SEPTIN5: variants seen among roughly 807,000 people sequenced by gnomAD.
SEPTIN5 encodes the protein septin 5.
A neutral mutation model predicts 51.2 loss-of-function variants in SEPTIN5; 16 were observed. The ratio of observed to expected loss-of-function variants is 0.31; its 90% CI spans 0.21 to 0.47. The LOEUF is 0.47. Among genes scored for constraint, SEPTIN5 ranks in the 20% least tolerant of loss-of-function variants. The pLI is 0.99. For missense variants in SEPTIN5, 376 were observed against 500.3 expected, an observed-to-expected ratio of 0.75 and a Z score of 2.37; for synonymous variants, 208 against 191.2, an observed-to-expected ratio of 1.09 and a Z score of -0.72.
At position 19,720,256 on chromosome 22, in the gene SEPTIN5, A is replaced by C. The variant is rs375212852; in HGVS notation, c.362+18A>C. 2 of 1,613,434 alleles carry C rather than the reference A, an allele frequency of 1.2e-6. No homozygotes were observed. The highest frequency in any genetic ancestry group is 2.7e-5 in the African/African-American group (2 of 74,954). On this transcript the variant is annotated intron_variant, in intron 5 of 11. Coordinates refer to ENST00000455784, the MANE Select transcript of SEPTIN5 (RefSeq NM_002688.6). ...ACCGAGTGGTGAGTGAGGCCTGCTG[A>C]GAAAGGCCTTGCCTAGGCGGCCACA...
Position 19,714,654 on chromosome 22 carries a change from T to TGCCCGCGCGCGCCTTTGTCCCCGCC in SEPTIN5, c.43+34_43+58dup, listed in dbSNP as rs1315630752. On this transcript the variant is annotated intron_variant, in intron 1 of 11. Transcript: ENST00000455784. This position sits in a 1 kb window ranked among gnomAD's most constrained non-coding sequence, Gnocchi z 5.2. ...CAGGTGAGCCCAGCGCCTGCCCGCG[T>TGCCCGCGCGCGCCTTTGTCCCCGCC]GCCCGCGCGCGCCTTTGTCCCCGCC... 4 of 1,510,580 alleles carry TGCCCGCGCGCGCCTTTGTCCCCGCC rather than the reference T, an allele frequency of 2.6e-6. No individual in the cohort carries two copies. The Admixed American group carries it at 8.2e-5, about 31-fold the overall frequency. 93.6% of individuals were successfully genotyped at this position (1,510,580 alleles called of 1,614,324 possible). A position where few individuals can be genotyped will look rare whatever the true frequency, so the allele number is the denominator to read the frequency against.
Position 19,722,681 on chromosome 22 carries a change from T to C in SEPTIN5, c.*197T>C. On this transcript the variant is annotated 3_prime_UTR_variant, in exon 12 of 12. Coordinates refer to ENST00000455784, the MANE Select transcript of SEPTIN5 (RefSeq NM_002688.6). The stretch of plus-strand genomic sequence containing the variant: ...TAGCCCCCGCCCAGCTGGCCCTCTC[T>C]GACCTTGGGGGATCAGGAGCGAAGT... 3.2e-6 allele frequency: 2 copies of C among 632,056 alleles called. No homozygotes were observed. The highest frequency in any genetic ancestry group is 5.4e-6 in the Non-Finnish European group (2 of 368,130). The allele number at this position is 632,056 out of a possible 1,614,324, so 39.2% of individuals were successfully genotyped here. A position where few individuals can be genotyped will look rare whatever the true frequency, so the allele number is the denominator to read the frequency against.
Position 19,719,507 on chromosome 22 carries a change from C to A in SEPTIN5, c.55-95C>A, listed in dbSNP as rs1314304147. 7 of 1,001,160 alleles carry A rather than the reference C, an allele frequency of 7.0e-6. No homozygotes were observed. The Admixed American group carries it at 9.3e-5, about 13-fold the overall frequency. The allele number at this position is 1,001,160 out of a possible 1,614,324, so 62.0% of individuals were successfully genotyped here. A position where few individuals can be genotyped will look rare whatever the true frequency, so the allele number is the denominator to read the frequency against. On this transcript the variant is annotated intron_variant, in intron 2 of 11. Coordinates refer to ENST00000455784, the MANE Select transcript of SEPTIN5 (RefSeq NM_002688.6). ...AATGCCCCACCCTGGGAACCGTACC[C>A]TCTGCTGTCTCCTCATACCGCATTT...
intron 10 of SEPTIN5, 32 bp from the exon 11 acceptor site, chr22:19,722,205 G>GCCCCC: frequency 2.2e-6 from 3 of 1,390,378 alleles, no homozygotes; most frequent in African/African-American, 1.5e-5. Context: ...CGGTGGCGCC[G>GCCCCC]CCCCGCCCAT....
chr22:19,720,586 C>A lies in SEPTIN5; in HGVS notation c.535C>A (p.His179Asn). The A allele has an allele frequency of 6.2e-7, 1 of 1,613,038 alleles. No homozygotes were observed. Among genetic ancestry groups the A allele is most frequent in the South Asian group, 1.1e-5 (1 of 91,092 alleles). The change falls in exon 7 of 12, where the codon CAT (histidine) becomes AAT (asparagine). Residue 179 changes from histidine (H) to asparagine (N), a missense_variant. Physicochemically the swap from His to Asn is moderately conservative, Grantham distance 68. Coordinates refer to ENST00000455784, the MANE Select transcript of SEPTIN5 (RefSeq NM_002688.6). ...PVDVGFMKAL[H>N]EKVNIVPLIA... ...GGATGTGGGTTTCATGAAGGCATTG[C>A]ATGAGAAGGTCAACATCGTGCCTCT...
chr22:19,714,799 C>A lies in SEPTIN5; in HGVS notation c.54+8C>A. The A allele has an allele frequency of 6.3e-7, 1 of 1,593,556 alleles. No individual in the cohort carries two copies. Reference sequence around the variant, plus strand: ...CCCGCAGAGGACAAGCAGGTACGTGCGCAGCGCCGCTCCCCCGCCGGGAGA... The same window carrying A: ...CCCGCAGAGGACAAGCAGGTACGTGAGCAGCGCCGCTCCCCCGCCGGGAGA... On this transcript the variant is annotated splice_region_variant and intron_variant, in intron 2 of 11. Coordinates refer to ENST00000455784, the MANE Select transcript of SEPTIN5 (RefSeq NM_002688.6). The surrounding 1 kb of genome is among the most constrained non-coding windows in gnomAD (Gnocchi z 5.2).
At chr22:19,720,034 T>C (rs1935994161) in intron 4 of SEPTIN5, 81 bp from the exon 5 acceptor site, 1 of 1,607,706 alleles carries the variant, frequency 6.2e-7, no homozygotes, top group Non-Finnish European at 8.5e-7. Flanking sequence ...GGCACCAAGA[T>C]GGATGAGGAC....
rs1349731515 is a variant in SEPTIN5, at chr22:19,714,790, A to G, written c.53A>G (p.Gln18Arg). ...GACCCCGACCCCGCAGAGGACAAGCAGGTACGTGCGCAGCGCCGCTCCCCC... is the reference window on the plus strand; with the variant it reads ...GACCCCGACCCCGCAGAGGACAAGCGGGTACGTGCGCAGCGCCGCTCCCCC... ...KSKLATPEDK[Q>R]DIDKQYVGFA... The change falls in exon 2 of 12, where the codon CAG becomes CGG. Residue 18 changes from glutamine (Q) to arginine (R), a missense_variant and splice_region_variant. Gln to Arg is a conservative substitution (Grantham distance 43). Coordinates refer to ENST00000455784, the MANE Select transcript of SEPTIN5 (RefSeq NM_002688.6). This position sits in a 1 kb window ranked among gnomAD's most constrained non-coding sequence, Gnocchi z 5.2. 5.7e-6 allele frequency: 9 copies of G among 1,574,442 alleles called. No individual in the cohort carries two copies. The highest frequency in any genetic ancestry group is 7.7e-6 in the Non-Finnish European group (9 of 1,166,518).
In SEPTIN5 at chr22:19,714,810, T is replaced by A; in HGVS notation, c.54+19T>A. ...CAAGCAGGTACGTGCGCAGCGCCGC[T>A]CCCCCGCCGGGAGACCCGGCCGGCT... On this transcript the variant is annotated intron_variant, in intron 2 of 11. Coordinates refer to ENST00000455784, the MANE Select transcript of SEPTIN5 (RefSeq NM_002688.6). This position sits in a 1 kb window ranked among gnomAD's most constrained non-coding sequence, Gnocchi z 5.2. The A allele has an allele frequency of 6.4e-7, 1 of 1,553,586 alleles. No homozygotes were observed. Among genetic ancestry groups the A allele is most frequent in the Non-Finnish European group, 8.6e-7 (1 of 1,156,852 alleles).
chr22:19,718,534 G>A (rs749448212), intron 2 of SEPTIN5: 10 of 1,281,916 alleles, frequency 7.8e-6, no homozygotes, highest in Middle Eastern at 2.1e-4. Flanking sequence ...CAGTCAGGGG[G>A]ATGGCTCGGT....
At position 19,719,060 on chromosome 22, in the gene SEPTIN5, G is replaced by T. The variant is rs923882994; in HGVS notation, c.55-542G>T. 1.6e-5 allele frequency: 6 copies of T among 386,192 alleles called. No individual in the cohort carries two copies. In the South Asian group the frequency reaches 5.5e-4, roughly 35 times the overall value. 23.9% of individuals were successfully genotyped at this position (386,192 alleles called of 1,614,324 possible). ...TGGGACCCCTCCAGGGGCCCCAAGG[G>T]TCTGCGGGGGCTGGGCGCCTGGGCG... On this transcript the variant is annotated intron_variant, in intron 2 of 11. Coordinates refer to ENST00000455784, the MANE Select transcript of SEPTIN5 (RefSeq NM_002688.6).
Position 19,720,104 on chromosome 22 carries a change from C to T in SEPTIN5, c.239-11C>T, listed in dbSNP as rs553048412. On this transcript the variant is annotated splice_polypyrimidine_tract_variant and intron_variant, in intron 4 of 11. Coordinates refer to ENST00000455784, the MANE Select transcript of SEPTIN5 (RefSeq NM_002688.6). The stretch of plus-strand genomic sequence containing the variant: ...GTTGGAGAGGCCCTTCCAGTGGCCC[C>T]TTCCCCGTAGAGCGCATCAGCCAGA... 5 of 1,612,954 alleles carry T rather than the reference C, an allele frequency of 3.1e-6. No individual in the cohort carries two copies. The highest frequency in any genetic ancestry group is 1.3e-5 in the African/African-American group (1 of 75,056).
At chr22:19,717,891 C>T (rs1935938366) in intron 2 of SEPTIN5, 2 of 163,216 alleles carry the variant, frequency 1.2e-5, no homozygotes. Context: ...ACATTACACA[C>T]ACACACCCGC....
chr22:19,720,753 C>T lies in SEPTIN5; in HGVS notation c.616-15C>T. The T allele has an allele frequency of 6.2e-7, 1 of 1,612,804 alleles. No individual in the cohort carries two copies. Among genetic ancestry groups the T allele is most frequent in the Non-Finnish European group, 8.5e-7 (1 of 1,179,470 alleles). On this transcript the variant is annotated splice_polypyrimidine_tract_variant and intron_variant, in intron 7 of 11. Coordinates refer to ENST00000455784, the MANE Select transcript of SEPTIN5 (RefSeq NM_002688.6). ...TTGTCTGGCCTCAAATCTGATGGTCCTTGCCCCACCACAGATCCGGGAGGA... is the reference window on the plus strand; with the variant it reads ...TTGTCTGGCCTCAAATCTGATGGTCTTTGCCCCACCACAGATCCGGGAGGA...
intron 2 of SEPTIN5, among the ~76,000 whole-genome samples, chr22:19,715,820 C>T (rs551434804): frequency 1.3e-5 from 2 of 152,330 alleles, no homozygotes; most frequent in African/African-American, 4.8e-5. Context: ...GTGGATGAGG[C>T]TCTCTGGGAG....
rs1157150103 is a variant in SEPTIN5, at chr22:19,719,880, C to T, written c.226C>T (p.Leu76Phe). 2 of 1,612,884 alleles carry T rather than the reference C, an allele frequency of 1.2e-6. No homozygotes were observed. The highest frequency in any genetic ancestry group is 1.7e-6 in the Non-Finnish European group (2 of 1,179,904). The change falls in exon 4 of 12, where the codon CTC (leucine) becomes TTC (phenylalanine). Residue 76 changes from leucine to phenylalanine, a missense_variant. By Grantham distance (22) the Leu-to-Phe change is conservative (BLOSUM62 0). This residue lies in a region of SEPTIN5 where 287 missense variants were observed against 417.1 expected (regional missense o/e 0.69). Coordinates refer to ENST00000455784, the MANE Select transcript of SEPTIN5 (RefSeq NM_002688.6). The stretch of plus-strand genomic sequence containing the variant: ...AGACTTGTACAAGGACCGGAAGCTG[C>T]TCAGTGCTGAGGGTGAGTGGCCCCC... ...LTDLYKDRKL[L>F]SAEERISQTV...
chr22:19,715,225 T>A (rs1293282000), intron 2 of SEPTIN5, among the ~76,000 whole-genome samples: 1 of 152,168 alleles, frequency 6.6e-6, no homozygotes, highest in Admixed American at 6.5e-5. Context: ...ACCACCCACC[T>A]CCCCTGCACC....
In SEPTIN5 at chr22:19,721,935, C is replaced by T. The variant is rs377473308; in HGVS notation, c.928C>T (p.His310Tyr). 9 of 1,610,564 alleles carry T rather than the reference C, an allele frequency of 5.6e-6. No individual in the cohort carries two copies. Among genetic ancestry groups the T allele is most frequent in the South Asian group, 1.1e-5 (1 of 91,024 alleles). ...CGTGCACTACGAGAACTACCGCGCG[C>T]ACTGCATCCAGCAGATGACCAGGTG... ...CDVHYENYRA[H>Y]CIQQMTSKLT... Residue 310 changes from histidine (H) to tyrosine (Y), a missense_variant, in exon 10 of 12, where the codon CAC (histidine) becomes TAC (tyrosine). His to Tyr is a moderately conservative substitution (Grantham distance 83, BLOSUM62 2). This residue lies in a region of SEPTIN5 where 89 missense variants were observed against 83.3 expected (regional missense o/e 1.07). Transcript: ENST00000455784.
At position 19,722,345 on chromosome 22, in the gene SEPTIN5, T is replaced by G; in HGVS notation, c.1053+6T>G. ...TCAGGATGAAGGATGAGGAAGTATGTGGGGCGGCGGGGGCGGCGGAGGCGG... is the reference window on the plus strand; with the variant it reads ...TCAGGATGAAGGATGAGGAAGTATGGGGGGCGGCGGGGGCGGCGGAGGCGG... On this transcript the variant is annotated splice_donor_region_variant and intron_variant, in intron 11 of 11. Transcript: ENST00000455784. 5 of 1,607,092 alleles carry G rather than the reference T, an allele frequency of 3.1e-6. No homozygotes were observed. In the South Asian group the frequency reaches 3.3e-5, roughly 11 times the overall value.
Sources: allele counts gnomAD v4.1 joint callset (sites outside exome capture counted in the v4.1 genomes callset), GRCh38; gene constraint gnomAD v4.1.1; regional missense constraint gnomAD v4.1.1; non-coding constraint Gnocchi (gnomAD v3.1); transcripts MANE v1.5; gene names NCBI Gene and HGNC (gene_info 2026-07-23, HGNC 2026-07-21).